Variants in GRN observed in about 807,000 individuals in gnomAD.
The protein encoded by GRN is granulin precursor, also known as progranulin.
A neutral mutation model predicts 66.7 loss-of-function variants in GRN; 30 were observed. The ratio of observed to expected loss-of-function variants is 0.45; its 90% CI spans 0.34 to 0.61. The LOEUF is 0.61. Ranked by LOEUF, GRN falls within the 20% of genes least tolerant of loss-of-function variation. The pLI, the probability that GRN is intolerant of heterozygous loss-of-function variation, is 0.01. For missense variants in GRN, 731 were observed against 803.5 expected (o/e 0.91, Z 1.09); for synonymous variants, 327 against 311.1 (o/e 1.05, Z -0.54).
intron 1 of GRN, among the ~76,000 whole-genome samples, chr17:44,348,863 C>T (rs1418343014): frequency 6.6e-6 from 1 of 152,246 alleles, no homozygotes; most frequent in Non-Finnish European, 1.5e-5. Flanking sequence ...CATAAGCCTG[C>T]CCAGTGAGGC....
intron 6 of GRN, 31 bp downstream of exon 6, chr17:44,350,608 G>A (rs770609903): frequency 1.1e-5 from 18 of 1,612,768 alleles, no homozygotes; most frequent in Non-Finnish European, 1.4e-5. Flanking sequence ...CAGGCCAGGG[G>A]CTGGGGCGGG....
In GRN at chr17:44,345,321, G is replaced by A. The variant is rs1275387231; in HGVS notation, c.-21G>A. 1 of 152,384 alleles carries A rather than the reference G, an allele frequency of 6.6e-6. No homozygotes were observed. The highest frequency in any genetic ancestry group is 2.4e-5 in the African/African-American group (1 of 41,472). The allele number at this position is 152,384 out of a possible 1,614,324, so 9.4% of individuals were successfully genotyped here. A position where few individuals can be genotyped will look rare whatever the true frequency, so the allele number is the denominator to read the frequency against. ...CCGGTTGCTGCTGCCCAAGGACCGCGGAGTCGGACGCAGGTAGGAGAGCGG... is the reference window on the plus strand; with the variant it reads ...CCGGTTGCTGCTGCCCAAGGACCGCAGAGTCGGACGCAGGTAGGAGAGCGG... On this transcript the variant is annotated 5_prime_UTR_variant, in exon 1 of 13. Transcript: ENST00000053867.
intron 9 of GRN, 21 bp from the exon 10 acceptor site, chr17:44,351,529 G>A: frequency 6.2e-7 from 1 of 1,613,994 alleles, no homozygotes; most frequent in Non-Finnish European, 8.5e-7. Flanking sequence ...GTGCCCACCT[G>A]CCCTTCTTCA....
In GRN at chr17:44,352,975, CAAAA is replaced by C; in HGVS notation, c.*178_*181del. The stretch of plus-strand genomic sequence containing the variant: ...CTTCCCTGTCAGAAGGGGGTTGTGG[CAAAA>C]GCCACATTACAAGCTGCCATCCCCT... On this transcript the variant is annotated 3_prime_UTR_variant, in exon 13 of 13. Transcript: ENST00000053867. 1.5e-6 allele frequency: 1 copy of C among 660,978 alleles called. No individual in the cohort carries two copies. The highest frequency in any genetic ancestry group is 2.6e-6 in the Non-Finnish European group (1 of 378,026). The allele number at this position is 660,978 out of a possible 1,614,324, so 40.9% of individuals were successfully genotyped here.
intron 7 of GRN, 47 bp downstream of exon 7, chr17:44,350,847 T>C (rs200497816): frequency 6.7e-7 from 1 of 1,489,878 alleles, no homozygotes; most frequent in East Asian, 2.3e-5. Context: ...CCCAGCCACC[T>C]GGCCCTGACA....
chr17:44,350,606 G>A, intron 6 of GRN, 29 bp downstream of exon 6: 1 of 1,613,044 alleles, frequency 6.2e-7, no homozygotes, highest in South Asian at 1.1e-5. Flanking sequence ...ATCAGGCCAG[G>A]GGCTGGGGCG....
chr17:44,350,182 C>CAA, intron 4 of GRN, 46 bp from the exon 5 acceptor site: 1 of 1,264,486 alleles, frequency 7.9e-7, no homozygotes, highest in Non-Finnish European at 1.1e-6. Flanking sequence ...GGGGGAGTCA[C>CAA]CTTCCCTGAG....
chr17:44,348,201 T>G (rs1395872920), intron 1 of GRN, among the ~76,000 whole-genome samples: 1 of 152,178 alleles, frequency 6.6e-6, no homozygotes, highest in African/African-American at 2.4e-5. Context: ...TTTTGCTTCT[T>G]CATTATGAGT....
chr17:44,350,085 G>A (rs1221703341), intron 4 of GRN, 143 bp from the exon 5 acceptor site: 1 of 739,898 alleles, frequency 1.4e-6, no homozygotes, highest in Non-Finnish European at 2.5e-6. Flanking sequence ...AGTTAGGCCT[G>A]CCTAGGAGAT....
rs1457930333 is a variant in GRN, at chr17:44,349,202, G to C, written c.38G>C (p.Gly13Ala). 3 of 1,613,990 alleles carry C rather than the reference G, an allele frequency of 1.9e-6. No homozygotes were observed. Among genetic ancestry groups the C allele is most frequent in the Non-Finnish European group, 2.5e-6 (3 of 1,180,012 alleles). Residue 13 changes from glycine to alanine, a missense_variant, in exon 2 of 13, where the codon GGG (glycine) becomes GCG (alanine). Physicochemically the swap from Gly to Ala is moderately conservative, Grantham distance 60 (BLOSUM62 0). Coordinates refer to ENST00000053867, the MANE Select transcript of GRN (RefSeq NM_002087.4). ...GTGAGCTGGGTGGCCTTAACAGCAG[G>C]GCTGGTGGCTGGAACGCGGTGCCCA... ...TLVSWVALTAGLVAGTRCPDG... is the reference protein window; with the variant it reads ...TLVSWVALTAALVAGTRCPDG...
At position 44,352,061 on chromosome 17, in the gene GRN, C is replaced by A. The variant is rs373885474; in HGVS notation, c.1226C>A (p.Thr409Lys). ...CAGCACTGCTGCCCCCAGGGCTACA[C>A]GTGTGTAGCTGAGGGGCAGTGTCAG... is the stretch of plus-strand genomic sequence containing the variant. ...DHQHCCPQGY[T>K]CVAEGQCQRG... Residue 409 changes from threonine to lysine, a missense_variant, in exon 11 of 13, where the codon ACG becomes AAG. Coordinates refer to ENST00000053867, the MANE Select transcript of GRN (RefSeq NM_002087.4). The A allele has an allele frequency of 6.2e-7, 1 of 1,613,756 alleles. No individual in the cohort carries two copies. Among genetic ancestry groups the A allele is most frequent in the Non-Finnish European group, 8.5e-7 (1 of 1,179,944 alleles).
chr17:44,347,838 G>A (rs1177153278), intron 1 of GRN, among the ~76,000 whole-genome samples: 1 of 150,884 alleles, frequency 6.6e-6, no homozygotes, highest in Admixed American at 6.6e-5. Flanking sequence ...TGTAGTCCCA[G>A]CTACTTGCTT....
intron 12 of GRN, 41 bp downstream of exon 12, chr17:44,352,612 G>C: frequency 6.2e-7 from 1 of 1,611,512 alleles, no homozygotes; most frequent in Non-Finnish European, 8.5e-7. Flanking sequence ...TATGGCCAGG[G>C]ACCAGGTCCC....
intron 1 of GRN, among the ~76,000 whole-genome samples, chr17:44,347,779 C>A (rs932629827): frequency 6.6e-6 from 1 of 151,600 alleles, no homozygotes; most frequent in Non-Finnish European, 1.5e-5. Flanking sequence ...TGGTGAAACC[C>A]CCTCTCTGCT....
At chr17:44,350,186 C>G (rs766310395) in intron 4 of GRN, 42 bp from the exon 5 acceptor site, 5 of 1,403,556 alleles carry the variant, frequency 3.6e-6, no homozygotes, top group Non-Finnish European at 5.1e-6. Flanking sequence ...GAGTCACCTT[C>G]CCTGAGTGGG....
In GRN at chr17:44,352,922, C is replaced by CCATGGTG; in HGVS notation, c.*124_*125insCATGGTG. On this transcript the variant is annotated 3_prime_UTR_variant, in exon 13 of 13. Coordinates refer to ENST00000053867, the MANE Select transcript of GRN (RefSeq NM_002087.4). ...GACCCCATTCTGAGCTCCCCATCAC[C>CCATGGTG]ATGGGAGGTGGGGCCTCAATCTAAG... 1.1e-6 allele frequency: 1 copy of CCATGGTG among 946,560 alleles called. No homozygotes were observed. The highest frequency in any genetic ancestry group is 1.6e-6 in the Non-Finnish European group (1 of 610,086). 58.6% of individuals were successfully genotyped at this position (946,560 alleles called of 1,614,324 possible).
At chr17:44,350,108 G>C (rs1421554870) in intron 4 of GRN, 120 bp from the exon 5 acceptor site, 3 of 790,424 alleles carry the variant, frequency 3.8e-6, no homozygotes, top group Non-Finnish European at 4.6e-6. Context: ...CTGAGCCTTA[G>C]TGTCACCCTC....
chr17:44,350,034 T>C, intron 4 of GRN, 194 bp from the exon 5 acceptor site: 1 of 669,600 alleles, frequency 1.5e-6, no homozygotes, highest in South Asian at 1.7e-5. Context: ...CCCTTCCCCA[T>C]GCCATCTTGC....
intron 4 of GRN, 193 bp downstream of exon 4, chr17:44,349,944 A>C: frequency 1.6e-6 from 1 of 640,772 alleles, no homozygotes; most frequent in Non-Finnish European, 2.8e-6. Flanking sequence ...AGAAAGTGCA[A>C]GACTCCAGGT....
Sources: allele counts gnomAD v4.1 joint callset (sites outside exome capture counted in the v4.1 genomes callset), GRCh38; gene constraint gnomAD v4.1.1; transcripts MANE v1.5; gene names NCBI Gene and HGNC (gene_info 2026-07-23, HGNC 2026-07-21).